The following CPS1 variants were observed in gnomAD, a reference collection of about 807,000 sequenced individuals.
CPS1 encodes the protein carbamoyl-phosphate synthase [ammonia], mitochondrial.
A neutral mutation model predicts 174.6 loss-of-function variants in CPS1; 109 were observed. That is an observed-to-expected ratio of 0.62 (90% CI 0.53 to 0.73). CPS1 has a LOEUF of 0.73. Among genes scored for constraint, CPS1 ranks in the 30% least tolerant of loss-of-function variants. CPS1 has a pLI of 0.00. For synonymous variants in CPS1, 637 were observed against 632.0 expected (o/e 1.01, Z -0.12); for missense variants, 1,689 against 1,821.9 (o/e 0.93, Z 1.33).
intron 1 of CPS1, among the ~76,000 whole-genome samples, chr2:210,486,521 T>C (rs980742032): frequency 6.6e-6 from 1 of 151,872 alleles, no homozygotes; most frequent in Non-Finnish European, 1.5e-5. Flanking sequence ...GCCTCTTTTC[T>C]TTTTTTGAGA....
chr2:210,559,993 T>C (rs2106043927), intron 1 of CPS1, among the ~76,000 whole-genome samples: 1 of 152,232 alleles, frequency 6.6e-6, no homozygotes, highest in South Asian at 2.1e-4. Flanking sequence ...CAAAGAGTCC[T>C]TATGTTTTTT....
intron 1 of CPS1, among the ~76,000 whole-genome samples, chr2:210,510,511 A>C (rs1470133310): frequency 6.6e-6 from 1 of 152,256 alleles, no homozygotes; most frequent in Non-Finnish European, 1.5e-5. Flanking sequence ...AAGCAATGGC[A>C]ACAAAAGCCA....
chr2:210,638,999 G>T, intron 22 of CPS1, 151 bp from the exon 23 acceptor site: 1 of 644,780 alleles, frequency 1.6e-6, no homozygotes, highest in East Asian at 2.9e-5. Flanking sequence ...TTCAGAATTA[G>T]AAAGCAATTC....
At chr2:210,567,872 A>G (rs1697353856) in intron 1 of CPS1, among the ~76,000 whole-genome samples, 1 of 152,180 alleles carries the variant, frequency 6.6e-6, no homozygotes, top group Non-Finnish European at 1.5e-5. Context: ...GATGAAAATT[A>G]GTAAAATGAC....
chr2:210,666,671 G>A (rs1011014854), intron 33 of CPS1, among the ~76,000 whole-genome samples: 23 of 152,192 alleles, frequency 1.5e-4, no homozygotes, highest in East Asian at 9.7e-4. Flanking sequence ...GCTCTGTTCC[G>A]TTCTATTGAT....
rs148109214 is a variant in CPS1 at position 210,566,258 on chromosome 2, C to T, written c.127-7040C>T. On this transcript the variant is annotated intron_variant, in intron 1 of 37. Coordinates refer to ENST00000233072, the MANE Select transcript of CPS1 (RefSeq NM_001875.5). ...CTATGTTATCTAGAAATTGAATCCT[C>T]CATCACTGGGGAAAAGGGAGGGGGG... Among the ~76,000 whole-genome samples, 9 of 152,202 alleles carry T rather than the reference C, an allele frequency of 5.9e-5. No individual in the cohort carries two copies. The East Asian group carries it at 1.7e-3, about 29-fold the overall frequency.
At chr2:210,602,785 G>A (rs150116483) in intron 16 of CPS1, among the ~76,000 whole-genome samples, 152 of 152,000 alleles carry the variant, frequency 1.0e-3, no homozygotes, top group Non-Finnish European at 1.7e-3. Context: ...AGCACATTGA[G>A]TAGTTTGACT....
At chr2:210,593,518 T>G (rs1698380523) in intron 11 of CPS1, 4 of 987,134 alleles carry the variant, frequency 4.1e-6, no homozygotes, top group African/African-American at 1.7e-5. Flanking sequence ...TTTTACTTTT[T>G]TGTGTGTGAG....
Position 210,513,020 on chromosome 2 carries a change from ATC to A in CPS1, c.3+35256_3+35257del, listed in dbSNP as rs201444919. On this transcript the variant is annotated intron_variant, in intron 1 of 38. Transcript: ENST00000430249. ...TATGGAGATATATATATATCTATAT[ATC>A]TATATATTTATATATATATGGAGAT... 7.1e-3 allele frequency among the ~76,000 whole-genome samples: 593 copies of A among 84,002 alleles called. 272 individuals carry two copies. The highest frequency in any genetic ancestry group is 0.016 in the Middle Eastern group (2 of 124). The allele number at this position is 84,002 out of a possible 152,430, so 55.1% of individuals were successfully genotyped here.
chr2:210,500,779 C>G (rs1231133806), intron 1 of CPS1, among the ~76,000 whole-genome samples: 2 of 152,200 alleles, frequency 1.3e-5, no homozygotes, highest in Non-Finnish European at 2.9e-5. Flanking sequence ...ATCTACCATT[C>G]TGGGGTCTGG....
chr2:210,491,920 G>T (rs1694886135), intron 1 of CPS1, among the ~76,000 whole-genome samples: 2 of 152,300 alleles, frequency 1.3e-5, no homozygotes, highest in South Asian at 2.1e-4. Flanking sequence ...GAATTCAGTG[G>T]AGATTTAAGG....
At chr2:210,477,852 A>C in intron 1 of CPS1, 3 of 1,426,878 alleles carry the variant, frequency 2.1e-6, no homozygotes, top group Non-Finnish European at 2.9e-6. Flanking sequence ...AAAACGAGAG[A>C]CATTTTATCA....
At chr2:210,492,665 GAAT>G (rs1694901960) in intron 1 of CPS1, among the ~76,000 whole-genome samples, 3 of 151,866 alleles carry the variant, frequency 2.0e-5, no homozygotes, top group African/African-American at 7.3e-5. Flanking sequence ...CACAAAAATT[GAAT>G]TATTAATAAC....
At chr2:210,635,603 T>C (rs775987617) in intron 21 of CPS1, among the ~76,000 whole-genome samples, 2 of 152,204 alleles carry the variant, frequency 1.3e-5, no homozygotes, top group Non-Finnish European at 2.9e-5. Flanking sequence ...AATAACCACA[T>C]GTGGCTAGGG....
intron 1 of CPS1, among the ~76,000 whole-genome samples, chr2:210,568,281 A>G (rs1475097522): frequency 1.3e-5 from 2 of 152,104 alleles, no homozygotes; most frequent in East Asian, 3.8e-4. Flanking sequence ...GGACTGACAG[A>G]GAGGTGGGGA....
chr2:210,570,975 G>C (rs1697460784), intron 1 of CPS1, among the ~76,000 whole-genome samples: 1 of 151,846 alleles, frequency 6.6e-6, no homozygotes, highest in Admixed American at 6.6e-5. Flanking sequence ...CTTCTGTCTT[G>C]AATTGTAATT....
intron 33 of CPS1, among the ~76,000 whole-genome samples, chr2:210,664,091 G>A (rs951868481): frequency 6.6e-6 from 1 of 152,154 alleles, no homozygotes; most frequent in African/African-American, 2.4e-5. Context: ...TGGCTGTCCT[G>A]TTTGTATTTG....
intron 1 of CPS1, among the ~76,000 whole-genome samples, chr2:210,507,920 A>C (rs1253612180): frequency 1.3e-5 from 2 of 151,298 alleles, no homozygotes; most frequent in Admixed American, 1.3e-4. Flanking sequence ...CTCCCACACA[A>C]TAATAATGGG....
intron 1 of CPS1, among the ~76,000 whole-genome samples, chr2:210,530,138 A>G (rs1046826894): frequency 6.6e-6 from 1 of 152,060 alleles, no homozygotes; most frequent in Non-Finnish European, 1.5e-5. Context: ...TGACTTGCAT[A>G]AAGGCATGGA....
Sources: gnomAD v4.1 joint callset for allele counts (sites outside exome capture counted in the v4.1 genomes callset) on GRCh38, gnomAD v4.1.1 for gene constraint, MANE v1.5 for transcripts, NCBI Gene and HGNC (gene_info 2026-07-23, HGNC 2026-07-21) for gene names.